FBXL16: variants seen among roughly 807,000 people sequenced by gnomAD.
FBXL16 encodes the protein F-box/LRR-repeat protein 16.
FBXL16 carries 7 observed loss-of-function variants against 36.7 expected under a neutral mutation model. The ratio of observed to expected loss-of-function variants is 0.19; its 90% CI spans 0.11 to 0.36. The LOEUF (loss-of-function observed/expected upper bound fraction) is 0.36. FBXL16 is among the 10% of genes least tolerant of loss of function. The pLI is 1.00. For synonymous variants in FBXL16, 355 were observed against 308.7 expected (o/e 1.15, Z -1.57); for missense variants, 463 against 659.4 (o/e 0.70, Z 3.26).
At chr16:705,293 G>A (rs1301993139) in intron 1 of FBXL16, among the ~76,000 whole-genome samples, 1 of 152,108 alleles carries the variant, frequency 6.6e-6, no homozygotes, top group Admixed American at 6.5e-5. Flanking sequence ...GCCCTCTTCC[G>A]GGCCAGGGGC....
chr16:704,050 C>T (rs1445391895), intron 1 of FBXL16, among the ~76,000 whole-genome samples: 1 of 152,248 alleles, frequency 6.6e-6, no homozygotes, highest in Non-Finnish European at 1.5e-5. Flanking sequence ...GGCTCAGTCA[C>T]CTGCTCACCC....
rs201839561 is a variant in FBXL16 at position 694,778 on chromosome 16, CG to C, written c.1228-82del. On this transcript the variant is annotated intron_variant, in intron 4 of 5. Coordinates refer to ENST00000397621, the MANE Select transcript of FBXL16 (RefSeq NM_153350.4). ...ACCCTGGGGTCCATGGAGGGCTAGG[CG>C]GGTTCAAGCCCGGGGTTCCTCCGTC... is the stretch of plus-strand genomic sequence containing the variant. The C allele has an allele frequency of 6.8e-3, 9,884 of 1,450,016 alleles. 39 individuals are homozygous for C. The highest frequency in any genetic ancestry group is 8.5e-3 in the Non-Finnish European group (9,004 of 1,056,998). 89.8% of individuals were successfully genotyped at this position (1,450,016 alleles called of 1,614,324 possible).
At chr16:696,197 C>A in intron 2 of FBXL16, among the ~76,000 whole-genome samples, 1 of 152,016 alleles carries the variant, frequency 6.6e-6, no homozygotes. Context: ...CCCTCAGCTC[C>A]CCCTCGCATC....
intron 4 of FBXL16, 73 bp from the exon 5 acceptor site, chr16:694,770 G>C: frequency 6.7e-7 from 1 of 1,484,058 alleles, no homozygotes; most frequent in Non-Finnish European, 9.2e-7. Flanking sequence ...GGTCCATGGA[G>C]GGCTAGGCGG....
At chr16:698,464 C>T (rs1567298988) in intron 1 of FBXL16, among the ~76,000 whole-genome samples, 1 of 152,222 alleles carries the variant, frequency 6.6e-6, no homozygotes, top group Non-Finnish European at 1.5e-5. Context: ...TAGGTACCCA[C>T]CAGGCCCACC....
chr16:695,965 G>A (rs2040008299), intron 2 of FBXL16, 42 bp from the exon 3 acceptor site: 5 of 1,541,444 alleles, frequency 3.2e-6, no homozygotes, highest in Non-Finnish European at 4.4e-6. Flanking sequence ...CAGGAGAAGG[G>A]GTGGAGCCCG....
At chr16:700,077 C>A (rs2040044465) in intron 1 of FBXL16, among the ~76,000 whole-genome samples, 1 of 152,124 alleles carries the variant, frequency 6.6e-6, no homozygotes, top group African/African-American at 2.4e-5. Context: ...GGAGGTCCTG[C>A]CCCGCTCTTC....
chr16:699,381 A>C (rs2040039637), intron 1 of FBXL16, among the ~76,000 whole-genome samples: 1 of 152,192 alleles, frequency 6.6e-6, no homozygotes, highest in Non-Finnish European at 1.5e-5. Context: ...TCTGCTCCAC[A>C]GTTCGGATCT....
Position 694,054 on chromosome 16 carries a change from G to T in FBXL16, c.*221C>A. 1 of 233,280 alleles carries T rather than the reference G, an allele frequency of 4.3e-6. No individual in the cohort carries two copies. The highest frequency in any genetic ancestry group is 5.7e-5 in the Admixed American group (1 of 17,398). The allele number at this position is 233,280 out of a possible 1,614,324, so 14.5% of individuals were successfully genotyped here. ...AGTCCCCGAGTGTGCGTGCGTGCGT[G>T]GGGCGGGCCCACCCGCCGCCCCCCT... On this transcript the variant is annotated 3_prime_UTR_variant, in exon 6 of 6. Transcript: ENST00000397621.
chr16:698,078 C>T (rs374391112), intron 1 of FBXL16, among the ~76,000 whole-genome samples: 6 of 152,096 alleles, frequency 3.9e-5, no homozygotes, highest in Non-Finnish European at 7.4e-5. Flanking sequence ...CTTGGCTCCC[C>T]GCAACCTCTC....
At chr16:700,327 G>A (rs1038958041) in intron 1 of FBXL16, among the ~76,000 whole-genome samples, 1 of 152,188 alleles carries the variant, frequency 6.6e-6, no homozygotes, top group African/African-American at 2.4e-5. Flanking sequence ...GGTCCTGGAA[G>A]GTGAGGCCGG....
Position 695,873 on chromosome 16 carries a change from G to A in FBXL16, c.684C>T (p.Cys228=). ...QGVVRLELSG[C]NDFTEAGLWS... is the part of the protein sequence containing the mutation. ...ACAGCCCGGCCTCGGTGAAGTCGTT[G>A]CAGCCCGACAGCTCCAGACGCACCA... Residue 228 remains cysteine, a synonymous_variant, in exon 3 of 6, where the codon TGC becomes TGT. Coordinates refer to ENST00000397621, the MANE Select transcript of FBXL16 (RefSeq NM_153350.4). 1 of 1,602,566 alleles carries A rather than the reference G, an allele frequency of 6.2e-7. No individual in the cohort carries two copies. The highest frequency in any genetic ancestry group is 8.5e-7 in the Non-Finnish European group (1 of 1,172,364).
Position 701,840 on chromosome 16 carries a change from T to A in FBXL16, c.-15+3672A>T, listed in dbSNP as rs1357196213. On this transcript the variant is annotated intron_variant, in intron 1 of 5. Coordinates refer to ENST00000397621, the MANE Select transcript of FBXL16 (RefSeq NM_153350.4). The stretch of plus-strand genomic sequence containing the variant: ...GCACCATCCTCAGCCTCAGCCCCTG[T>A]GGTGCTGGCTCAGCTTGAAGTGGAA... Among the ~76,000 whole-genome samples, 2 of 152,156 alleles carry A rather than the reference T, an allele frequency of 1.3e-5. 1 individual carries two copies. Among genetic ancestry groups the A allele is most frequent in the Non-Finnish European group, 2.9e-5 (2 of 68,008 alleles).
In FBXL16 at chr16:694,161, G is replaced by T; in HGVS notation, c.*114C>A. The stretch of plus-strand genomic sequence containing the variant: ...CGGCTCGCCCCGCCTCCCGCGCTGG[G>T]CCGGGGGCGCGGGGGCTCCCCCGAG... On this transcript the variant is annotated 3_prime_UTR_variant, in exon 6 of 6. Coordinates refer to ENST00000397621, the MANE Select transcript of FBXL16 (RefSeq NM_153350.4). The T allele has an allele frequency of 1.4e-6, 1 of 715,444 alleles. No homozygotes were observed. The highest frequency in any genetic ancestry group is 1.9e-6 in the Non-Finnish European group (1 of 519,050). 44.3% of individuals were successfully genotyped at this position (715,444 alleles called of 1,614,324 possible). A position where few individuals can be genotyped will look rare whatever the true frequency, so the allele number is the denominator to read the frequency against.
intron 2 of FBXL16, 70 bp from the exon 3 acceptor site, chr16:695,993 G>A (rs2040008568): frequency 2.0e-6 from 3 of 1,503,502 alleles, no homozygotes; most frequent in African/African-American, 1.4e-5. Context: ...GAAGCAGTAG[G>A]GTGTAAACAT....
Position 695,812 on chromosome 16 carries a change from C to T in FBXL16, c.745G>A (p.Val249Met). Reference protein sequence around the residue: ...SLSARITSLSVSDCINVADDA... With the variant: ...SLSARITSLSMSDCINVADDA... ...TCGGCCACGTTGATGCAGTCACTCA[C>T]GCTCAGCGAGGTGATGCGCGCGCTC... is the stretch of plus-strand genomic sequence containing the variant. The change falls in exon 3 of 6, where the codon GTG (valine) becomes ATG (methionine). Residue 249 changes from valine (V) to methionine (M), a missense_variant. Physicochemically the swap from Val to Met is conservative, Grantham distance 21. Around this residue, in one of 3 missense-constraint regions of FBXL16, gnomAD observed 66 missense variants for 146.3 expected, o/e 0.45. Coordinates refer to ENST00000397621, the MANE Select transcript of FBXL16 (RefSeq NM_153350.4). 1 of 1,608,494 alleles carries T rather than the reference C, an allele frequency of 6.2e-7. No homozygotes were observed. Among genetic ancestry groups the T allele is most frequent in the Non-Finnish European group, 8.5e-7 (1 of 1,178,508 alleles).
intron 1 of FBXL16, among the ~76,000 whole-genome samples, chr16:700,496 C>T (rs1362740558): frequency 1.3e-5 from 2 of 152,142 alleles, no homozygotes; most frequent in East Asian, 3.9e-4. Flanking sequence ...GGAGGGGTCG[C>T]TACCTCAGGT....
At chr16:696,245 T>TCA (rs1345357678) in intron 2 of FBXL16, among the ~76,000 whole-genome samples, 2 of 148,610 alleles carry the variant, frequency 1.3e-5, no homozygotes, top group African/African-American at 2.4e-5. Context: ...ATTTATTTAT[T>TCA]TATTCATTCA....
At chr16:702,105 A>T (rs1211585249) in intron 1 of FBXL16, among the ~76,000 whole-genome samples, 1 of 152,122 alleles carries the variant, frequency 6.6e-6, no homozygotes, top group Non-Finnish European at 1.5e-5. Flanking sequence ...ATCCAGGCTG[A>T]CCATTCCCAG....
Sources: gnomAD v4.1 joint callset for allele counts (sites outside exome capture counted in the v4.1 genomes callset) on GRCh38, gnomAD v4.1.1 for gene constraint, gnomAD v4.1.1 regional missense constraint, MANE v1.5 for transcripts, NCBI Gene and HGNC (gene_info 2026-07-23, HGNC 2026-07-21) for gene names.